CEP192: variants seen among roughly 807,000 people sequenced by gnomAD.
CEP192 encodes centrosomal protein 192, also known as centrosomal protein of 192 kDa.
Under a neutral mutation model 271.8 loss-of-function variants are expected in CEP192, and 151 were observed. That is an observed-to-expected ratio of 0.56 (90% CI 0.49 to 0.64). The LOEUF (loss-of-function observed/expected upper bound fraction) is 0.64, where lower values mean the gene tolerates loss of function less well. CEP192 is among the 30% of genes least tolerant of loss of function. CEP192 has a pLI of 0.00. For missense variants in CEP192, 2,910 were observed against 3,020.5 expected, an observed-to-expected ratio of 0.96 and a Z score of 0.86; for synonymous variants, 995 against 1,076.5, an observed-to-expected ratio of 0.92 and a Z score of 1.48.
intron 27 of CEP192, among the ~76,000 whole-genome samples, chr18:13,070,645 C>T (rs972277686): frequency 1.3e-5 from 2 of 152,222 alleles, no homozygotes; most frequent in African/African-American, 4.8e-5. Context: ...ATCCCCCTGC[C>T]TGGGTTATAG....
At chr18:13,041,266 G>A (rs1012234818) in intron 14 of CEP192, among the ~76,000 whole-genome samples, 8 of 152,096 alleles carry the variant, frequency 5.3e-5, no homozygotes, top group African/African-American at 1.7e-4. Flanking sequence ...TATTATTTAG[G>A]ATGACTTTTA....
chr18:13,056,399 C>T lies in CEP192; in HGVS notation c.3809C>T (p.Pro1270Leu), dbSNP rs374951228. Residue 1270 changes from proline (P) to leucine (L), a missense_variant, in exon 19 of 45, where the codon CCT becomes CTT. Physicochemically the swap from Pro to Leu is moderately conservative, Grantham distance 98. Transcript: ENST00000506447. ...GCTCAGCGGTATTTGGGAACACTCC[C>T]TTCAACTGGAAGCACCACCTTGCCT... ...PFAQRYLGTL[P>L]STGSTTLPQC... is the part of the protein sequence containing the mutation. The T allele has an allele frequency of 6.8e-6, 11 of 1,614,134 alleles. No homozygotes were observed. In the African/African-American group the frequency reaches 1.5e-4, roughly 22 times the overall value.
At chr18:13,087,983 T>C (rs1443007126) in intron 32 of CEP192, among the ~76,000 whole-genome samples, 1 of 152,236 alleles carries the variant, frequency 6.6e-6, no homozygotes, top group African/African-American at 2.4e-5. Context: ...GTGTCAGTTT[T>C]ATAAAAGATT....
At chr18:13,035,621 A>G (rs1449100423) in intron 11 of CEP192, among the ~76,000 whole-genome samples, 1 of 152,150 alleles carries the variant, frequency 6.6e-6, no homozygotes, top group Non-Finnish European at 1.5e-5. Flanking sequence ...CAGCCAAACC[A>G]TATTACCCTC....
intron 15 of CEP192, among the ~76,000 whole-genome samples, chr18:13,045,462 A>T (rs2036424867): frequency 6.6e-6 from 1 of 152,228 alleles, no homozygotes; most frequent in African/African-American, 2.4e-5. Context: ...TATGATACAT[A>T]GCTCAGCATT....
chr18:13,110,158 G>T (rs1257072455), intron 40 of CEP192, among the ~76,000 whole-genome samples: 5 of 152,040 alleles, frequency 3.3e-5, no homozygotes, highest in African/African-American at 9.7e-5. Flanking sequence ...TCTAAATTTC[G>T]TTAAATAAAA....
intron 5 of CEP192, among the ~76,000 whole-genome samples, chr18:13,013,400 G>A (rs1315586267): frequency 6.6e-6 from 1 of 152,164 alleles, no homozygotes; most frequent in Non-Finnish European, 1.5e-5. Context: ...TCGGCCCTTA[G>A]TTGTCACTTA....
intron 4 of CEP192, among the ~76,000 whole-genome samples, chr18:13,012,493 G>A (rs1427437038): frequency 1.3e-5 from 2 of 152,118 alleles, no homozygotes; most frequent in Non-Finnish European, 2.9e-5. Flanking sequence ...CACAGCTAAC[G>A]AGCTTAGTGA....
At chr18:13,116,702 C>T (rs527405998) in intron 43 of CEP192, among the ~76,000 whole-genome samples, 199 bp downstream of exon 43, 18 of 152,108 alleles carry the variant, frequency 1.2e-4, no homozygotes, top group Admixed American at 4.6e-4. Context: ...CTCCACCTCC[C>T]GGGTTCATGC....
At chr18:12,998,352 T>C (rs1015182174) in intron 1 of CEP192, among the ~76,000 whole-genome samples, 21 of 152,218 alleles carry the variant, frequency 1.4e-4, no homozygotes, top group African/African-American at 4.3e-4. Context: ...CCAAAATGCA[T>C]TGGAGTATTT....
chr18:13,069,956 T>C (rs918185828), intron 27 of CEP192, 100 bp downstream of exon 27: 16 of 667,662 alleles, frequency 2.4e-5, no homozygotes, highest in Non-Finnish European at 7.9e-6. Context: ...AGGTCAGGAG[T>C]TCGAGACCAG....
In CEP192 at chr18:13,121,058, CT is replaced by C. The variant is rs199533690; in HGVS notation, c.7475+3417del. On this transcript the variant is annotated intron_variant, in intron 44 of 44. Transcript: ENST00000506447. ...TACCACAGAACTGAAGTCATGGGGACTTACGGCATTGTGTGCTATTGTATTT... is the reference window on the plus strand; with the variant it reads ...TACCACAGAACTGAAGTCATGGGGACTACGGCATTGTGTGCTATTGTATTT... Among the ~76,000 whole-genome samples the C allele has an allele frequency of 2.5e-3, 381 of 152,274 alleles. 7 individuals carry two copies. The highest frequency in any genetic ancestry group is 9.2e-3 in the East Asian group (48 of 5,190).
At chr18:13,081,963 TGA>T (rs2038633568) in intron 30 of CEP192, among the ~76,000 whole-genome samples, 1 of 152,230 alleles carries the variant, frequency 6.6e-6, no homozygotes, top group Non-Finnish European at 1.5e-5. Context: ...CACTGTGGTG[TGA>T]GAGACAGTTT....
intron 4 of CEP192, 148 bp downstream of exon 4, chr18:13,008,779 C>T (rs945721142): frequency 4.9e-6 from 3 of 612,688 alleles, no homozygotes; most frequent in Non-Finnish European, 8.5e-6. Flanking sequence ...TCACAGCTCA[C>T]TGCAGCCTCA....
At chr18:13,119,159 C>G (rs537075965) in intron 44 of CEP192, among the ~76,000 whole-genome samples, 1 of 152,178 alleles carries the variant, frequency 6.6e-6, no homozygotes, top group Admixed American at 6.5e-5. Context: ...AGAAAAAGAT[C>G]ATTTAAATTT....
chr18:12,995,601 G>C (rs1292840654), intron 1 of CEP192, among the ~76,000 whole-genome samples: 1 of 152,232 alleles, frequency 6.6e-6, no homozygotes, highest in African/African-American at 2.4e-5. Context: ...AATGGGCAAA[G>C]TTCCTGCCCT....
chr18:13,089,163 C>A (rs2039028447), intron 32 of CEP192, among the ~76,000 whole-genome samples: 1 of 152,268 alleles, frequency 6.6e-6, no homozygotes, highest in South Asian at 2.1e-4. Context: ...AAATTTCTAG[C>A]TGTAACCAAA....
At chr18:13,102,123 C>A (rs976922206) in intron 38 of CEP192, among the ~76,000 whole-genome samples, 1 of 152,144 alleles carries the variant, frequency 6.6e-6, no homozygotes, top group Non-Finnish European at 1.5e-5. Flanking sequence ...GTGTGTCCTG[C>A]AGCTCCTGCC....
intron 36 of CEP192, 104 bp from the exon 37 acceptor site, chr18:13,099,372 A>G: frequency 1.6e-6 from 1 of 622,004 alleles, no homozygotes; most frequent in Non-Finnish European, 2.8e-6. Flanking sequence ...CTTCCTGAGC[A>G]GTGAGGAAAT....
Sources: gnomAD v4.1 joint callset for allele counts (sites outside exome capture counted in the v4.1 genomes callset) on GRCh38, gnomAD v4.1.1 for gene constraint, MANE v1.5 for transcripts, NCBI Gene and HGNC (gene_info 2026-07-23, HGNC 2026-07-21) for gene names.